The following ARFGEF2 variants were observed in gnomAD, a reference collection of about 807,000 sequenced individuals.
ARFGEF2 encodes brefeldin A-inhibited guanine nucleotide-exchange protein 2.
In ARFGEF2, 74 loss-of-function variants were observed where a neutral mutation model predicts 219.9. The ratio of observed to expected loss-of-function variants is 0.34; its 90% CI spans 0.28 to 0.41. The LOEUF is 0.41. Ranked by LOEUF, ARFGEF2 falls within the 10% of genes least tolerant of loss-of-function variation. ARFGEF2 has a pLI of 1.00. For synonymous variants in ARFGEF2, 733 were observed against 799.2 expected (o/e 0.92, Z 1.40); for missense variants, 1,743 against 2,218.3 (o/e 0.79, Z 4.30).
rs556290159 is a variant in ARFGEF2 at position 48,951,183 on chromosome 20, G to A, written c.277-140G>A. Reference sequence around the variant, plus strand: ...AGGACGAAGGTTGCAGTCACAGAGTGGTTATGCCTGCCTGGCTCCTGGGGA... The same window carrying A: ...AGGACGAAGGTTGCAGTCACAGAGTAGTTATGCCTGCCTGGCTCCTGGGGA... On this transcript the variant is annotated intron_variant, in intron 3 of 38. Coordinates refer to ENST00000371917, the MANE Select transcript of ARFGEF2 (RefSeq NM_006420.3). 5.4e-5 allele frequency: 52 copies of A among 969,290 alleles called. No individual in the cohort carries two copies. In the East Asian group the frequency reaches 1.2e-3, roughly 23 times the overall value. 60.0% of individuals were successfully genotyped at this position (969,290 alleles called of 1,614,324 possible). A position where few individuals can be genotyped will look rare whatever the true frequency, so the allele number is the denominator to read the frequency against.
Position 48,941,182 on chromosome 20 carries a change from TCTTC to T in ARFGEF2, c.122-9_122-6del. The T allele has an allele frequency of 1.2e-6, 2 of 1,611,774 alleles. No individual in the cohort carries two copies. Among genetic ancestry groups the T allele is most frequent in the Non-Finnish European group, 1.7e-6 (2 of 1,178,476 alleles). On this transcript the variant is annotated splice_polypyrimidine_tract_variant and intron_variant, in intron 1 of 38. Transcript: ENST00000371917. The stretch of plus-strand genomic sequence containing the variant: ...TGTTGCATTTTCCTAATGTGTTTTT[TCTTC>T]CTTCCTTACCAGATGAAATTAAAGC...
chr20:49,002,165 G>A lies in ARFGEF2; in HGVS notation c.3433-2905G>A, dbSNP rs376648122. Among the ~76,000 whole-genome samples, 4 of 152,354 alleles carry A rather than the reference G, an allele frequency of 2.6e-5. No individual in the cohort carries two copies. In the South Asian group the frequency reaches 6.2e-4, roughly 24 times the overall value. On this transcript the variant is annotated intron_variant, in intron 25 of 38. Transcript: ENST00000371917. ...AGGCAGGAGACTATCTCGAACCCGGGGGGTGGAGGTTGCAGTGAGCAGAGA... is the reference window on the plus strand; with the variant it reads ...AGGCAGGAGACTATCTCGAACCCGGAGGGTGGAGGTTGCAGTGAGCAGAGA...
At chr20:48,970,615 A>T (rs1568712872) in intron 9 of ARFGEF2, among the ~76,000 whole-genome samples, 1 of 152,210 alleles carries the variant, frequency 6.6e-6, no homozygotes, top group African/African-American at 2.4e-5. Flanking sequence ...CCGTCTCAAA[A>T]AAATAAATAA....
chr20:48,940,373 A>G (rs145780114), intron 1 of ARFGEF2, among the ~76,000 whole-genome samples: 1 of 152,386 alleles, frequency 6.6e-6, no homozygotes, highest in East Asian at 1.9e-4. Flanking sequence ...GATTAAGAAA[A>G]AGTATGTATG....
rs200514146 is a variant in ARFGEF2 at position 48,953,687 on chromosome 20, C to T, written c.735C>T (p.Pro245=). The part of the protein sequence containing the change: ...HSQAQSKPTT[P]EKTDLTNGEH... ...AGGCACAAAGCAAACCAACAACTCC[C>T]GAAAAAACAGATTTAACCAACGGTG... Residue 245 remains proline (P), a synonymous_variant, in exon 6 of 39, where the codon CCC becomes CCT. Transcript: ENST00000371917. 31 of 1,613,994 alleles carry T rather than the reference C, an allele frequency of 1.9e-5. No individual in the cohort carries two copies. In the African/African-American group the frequency reaches 2.1e-4, roughly 11 times the overall value.
intron 3 of ARFGEF2, among the ~76,000 whole-genome samples, chr20:48,950,808 AAAAATATAT>A (rs1280839016): frequency 4.0e-4 from 17 of 42,288 alleles, no homozygotes; most frequent in East Asian, 1.7e-3. Context: ...AAAAAAAAAA[AAAAATATAT>A]ATATATATAT....
At chr20:48,959,449 T>TTCCC (rs2091127302) in intron 6 of ARFGEF2, among the ~76,000 whole-genome samples, 2 of 64,252 alleles carry the variant, frequency 3.1e-5, no homozygotes, top group East Asian at 6.1e-4. Flanking sequence ...CCGTCCCTCC[T>TTCCC]TCCCTCCCTC....
chr20:48,982,227 TA>T (rs2091300339), intron 14 of ARFGEF2, among the ~76,000 whole-genome samples: 1 of 152,218 alleles, frequency 6.6e-6, no homozygotes, highest in Non-Finnish European at 1.5e-5. Context: ...GCTTTCCTTC[TA>T]ACAGTCAGGT....
chr20:48,932,419 G>C (rs2090918735), intron 1 of ARFGEF2, among the ~76,000 whole-genome samples: 2 of 152,242 alleles, frequency 1.3e-5, no homozygotes, highest in South Asian at 4.2e-4. Flanking sequence ...CAAATTACTG[G>C]GCAGCATTTC....
intron 14 of ARFGEF2, among the ~76,000 whole-genome samples, chr20:48,979,488 A>G (rs2091282683): frequency 6.6e-6 from 1 of 152,212 alleles, no homozygotes; most frequent in African/African-American, 2.4e-5. Flanking sequence ...TGCTGGCCTC[A>G]TAAAATGAGT....
chr20:48,950,805 AAAAAAAATATATATAT>A (rs1175125247), intron 3 of ARFGEF2, among the ~76,000 whole-genome samples: 44 of 40,224 alleles, frequency 1.1e-3, no homozygotes, highest in African/African-American at 5.2e-3. Context: ...AAAAAAAAAA[AAAAAAAATATATATAT>A]ATATATATAT....
chr20:48,977,995 G>T (rs1283488452), intron 14 of ARFGEF2, among the ~76,000 whole-genome samples: 1 of 152,154 alleles, frequency 6.6e-6, no homozygotes, highest in Non-Finnish European at 1.5e-5. Context: ...GATCCCATTT[G>T]TCTATTTTGG....
In ARFGEF2 at chr20:49,023,071, C is replaced by A; in HGVS notation, c.4645C>A (p.Leu1549Ile). 2 of 1,614,178 alleles carry A rather than the reference C, an allele frequency of 1.2e-6. No homozygotes were observed. Among genetic ancestry groups the A allele is most frequent in the South Asian group, 1.1e-5 (1 of 91,090 alleles). Reference protein sequence around the residue: ...PYANQKLFASLLIKCVVQLEL... With the variant: ...PYANQKLFASILIKCVVQLEL... ...CATAGATCAGAAACTGTTTGCCAGC[C>A]TCCTCATCAAGTGTGTGGTCCAGTT... Residue 1549 changes from leucine to isoleucine, a missense_variant, in exon 35 of 39, where the codon CTC becomes ATC. Around this residue, in one of 5 missense-constraint regions of ARFGEF2, gnomAD observed 578 missense variants for 664.0 expected, o/e 0.87. Transcript: ENST00000371917.
chr20:49,033,363 T>G lies in ARFGEF2; in HGVS notation c.*164T>G, dbSNP rs1478340094. On this transcript the variant is annotated 3_prime_UTR_variant, in exon 39 of 39. Transcript: ENST00000371917. Reference sequence around the variant, plus strand: ...ACGCTGTTCCATCACAGTCTCCAACTAAGGCTTATGGTATTTCATTAAACT... The same window carrying G: ...ACGCTGTTCCATCACAGTCTCCAACGAAGGCTTATGGTATTTCATTAAACT... The G allele has an allele frequency of 2.8e-6, 2 of 723,912 alleles. No homozygotes were observed. The highest frequency in any genetic ancestry group is 4.6e-6 in the Non-Finnish European group (2 of 431,010). The allele number at this position is 723,912 out of a possible 1,614,324, so 44.8% of individuals were successfully genotyped here.
At chr20:48,952,325 TTTA>T (rs1356760181) in intron 4 of ARFGEF2, among the ~76,000 whole-genome samples, 1 of 151,952 alleles carries the variant, frequency 6.6e-6, no homozygotes, top group African/African-American at 2.4e-5. Context: ...CTGGACTATT[TTTA>T]TATTTTTAAT....
At chr20:48,973,727 G>C (rs1405077817) in intron 12 of ARFGEF2, among the ~76,000 whole-genome samples, 1 of 152,160 alleles carries the variant, frequency 6.6e-6, no homozygotes, top group African/African-American at 2.4e-5. Context: ...ATGCTTAACT[G>C]TAGGTTTCTG....
chr20:48,933,346 T>A (rs2090925461), intron 1 of ARFGEF2, among the ~76,000 whole-genome samples: 1 of 152,190 alleles, frequency 6.6e-6, no homozygotes, highest in Admixed American at 6.5e-5. Context: ...ACAGACTGCC[T>A]GGGCGTGGAT....
At chr20:48,973,827 G>T (rs2123422448) in intron 12 of ARFGEF2, among the ~76,000 whole-genome samples, 1 of 152,268 alleles carries the variant, frequency 6.6e-6, no homozygotes, top group Non-Finnish European at 1.5e-5. Context: ...GGTCATAGTT[G>T]TCATTAGAAT....
intron 1 of ARFGEF2, among the ~76,000 whole-genome samples, chr20:48,926,482 CT>C (rs1348953640): frequency 3.3e-5 from 5 of 150,760 alleles, no homozygotes; most frequent in Non-Finnish European, 5.9e-5. Flanking sequence ...GAGACAGGAT[CT>C]TGCTCTGTGG....
Sources: allele counts gnomAD v4.1 joint callset (sites outside exome capture counted in the v4.1 genomes callset), GRCh38; gene constraint gnomAD v4.1.1; regional missense constraint gnomAD v4.1.1; transcripts MANE v1.5; gene names NCBI Gene and HGNC (gene_info 2026-07-23, HGNC 2026-07-21).